Variants in PDZRN4 observed in about 807,000 individuals in gnomAD.
The protein encoded by PDZRN4 is PDZ domain-containing RING finger protein 4.
PDZRN4 carries 70 observed loss-of-function variants against 99.0 expected under a neutral mutation model. That is an observed-to-expected ratio of 0.71 (90% confidence interval 0.58 to 0.86). The LOEUF (loss-of-function observed/expected upper bound fraction) is 0.86, where lower values mean the gene tolerates loss of function less well. PDZRN4 is among the 40% of genes least tolerant of loss of function. The probability of loss-of-function intolerance (pLI) is 0.00; values close to 1 mark genes in which losing one functional copy is unlikely to be tolerated. For synonymous variants in PDZRN4, 551 were observed against 501.6 expected (o/e 1.10, Z -1.32); for missense variants, 1,474 against 1,331.2 (o/e 1.11, Z -1.67).
rs866080137 is a variant in PDZRN4 at position 41,536,199 on chromosome 12, G to A, written c.1204-16457G>A. On this transcript the variant is annotated intron_variant, in intron 5 of 9. Coordinates refer to ENST00000402685, the MANE Select transcript of PDZRN4 (RefSeq NM_001164595.2). ...AAAGCAACCAAGATGTCTTTCAGTA[G>A]GTGAATAGATAAATGCACTAGGTTT... 2.0e-5 allele frequency among the ~76,000 whole-genome samples: 3 copies of A among 152,102 alleles called. No homozygotes were observed. The East Asian group carries it at 5.8e-4, about 29-fold the overall frequency.
Position 41,398,783 on chromosome 12 carries a change from T to TA in PDZRN4, c.844-107672dup, listed in dbSNP as rs1161681236. On this transcript the variant is annotated intron_variant, in intron 3 of 9. Coordinates refer to ENST00000402685, the MANE Select transcript of PDZRN4 (RefSeq NM_001164595.2). The stretch of plus-strand genomic sequence containing the variant: ...CATACCTGCTGTATGTAAATTATAA[T>TA]ACAAGAGTTTTTATTCCAGAAATTA... Among the ~76,000 whole-genome samples the TA allele has an allele frequency of 2.0e-5, 3 of 152,182 alleles. No homozygotes were observed. In the East Asian group the frequency reaches 5.8e-4, roughly 29 times the overall value.
intron 5 of PDZRN4, 93 bp from the exon 6 acceptor site, chr12:41,552,563 G>A (rs1254523021): frequency 2.2e-6 from 2 of 901,180 alleles, no homozygotes; most frequent in East Asian, 2.6e-5. Flanking sequence ...ATTAATACTT[G>A]CCAGAGTAAC....
chr12:41,420,081 A>T (rs930135021), intron 3 of PDZRN4, among the ~76,000 whole-genome samples: 4 of 152,144 alleles, frequency 2.6e-5, no homozygotes, highest in African/African-American at 9.7e-5. Context: ...GAAAACTATA[A>T]CCTCACTTCC....
Position 41,198,211 on chromosome 12 carries a change from C to T in PDZRN4, c.843+4023C>T, listed in dbSNP as rs554527242. Among the ~76,000 whole-genome samples, 57 of 152,222 alleles carry T rather than the reference C, an allele frequency of 3.7e-4. 1 individual carries two copies. Among genetic ancestry groups the T allele is most frequent in the Non-Finnish European group, 6.2e-4 (42 of 68,010 alleles). ...GGGATTACAGGCGTGAGCCATAGTG[C>T]CCAGTCTCCTCTCTTATTTCTATGA... is the stretch of plus-strand genomic sequence containing the variant. On this transcript the variant is annotated intron_variant, in intron 3 of 9. Coordinates refer to ENST00000402685, the MANE Select transcript of PDZRN4 (RefSeq NM_001164595.2).
intron 3 of PDZRN4, among the ~76,000 whole-genome samples, chr12:41,495,475 T>C (rs1294925855): frequency 2.6e-5 from 4 of 152,098 alleles, no homozygotes; most frequent in Non-Finnish European, 5.9e-5. Flanking sequence ...TCCATGTGAA[T>C]GGCAGCATCA....
At chr12:41,222,297 T>C (rs907945969) in intron 3 of PDZRN4, among the ~76,000 whole-genome samples, 1 of 152,134 alleles carries the variant, frequency 6.6e-6, no homozygotes, top group Non-Finnish European at 1.5e-5. Flanking sequence ...TTTGTGCACA[T>C]TTTGGAATGT....
intron 3 of PDZRN4, among the ~76,000 whole-genome samples, chr12:41,222,175 T>A (rs940609829): frequency 6.6e-6 from 1 of 152,136 alleles, no homozygotes; most frequent in Non-Finnish European, 1.5e-5. Flanking sequence ...CTATCGGAAA[T>A]TGTGTTTGCA....
chr12:41,409,255 C>G (rs1043535349), intron 3 of PDZRN4, among the ~76,000 whole-genome samples: 1 of 151,920 alleles, frequency 6.6e-6, no homozygotes, highest in African/African-American at 2.4e-5. Flanking sequence ...AACATCTATG[C>G]TATTTTATTA....
chr12:41,424,573 A>G (rs1203276773), intron 3 of PDZRN4, among the ~76,000 whole-genome samples: 3 of 152,204 alleles, frequency 2.0e-5, no homozygotes, highest in African/African-American at 4.8e-5. Flanking sequence ...CATGCTAACT[A>G]TAATTTAAAT....
chr12:41,320,414 G>T (rs1011659099), intron 3 of PDZRN4, among the ~76,000 whole-genome samples: 4 of 152,186 alleles, frequency 2.6e-5, no homozygotes, highest in Non-Finnish European at 4.4e-5. Flanking sequence ...TTGCTGCTGA[G>T]AACTCAGTTA....
intron 3 of PDZRN4, among the ~76,000 whole-genome samples, chr12:41,233,809 G>A (rs1001419232): frequency 6.6e-6 from 1 of 151,850 alleles, no homozygotes; most frequent in African/African-American, 2.4e-5. Flanking sequence ...GAGCGGGGGG[G>A]AGATAGCATT....
chr12:41,322,454 T>C (rs1951685229), intron 3 of PDZRN4, among the ~76,000 whole-genome samples: 1 of 149,526 alleles, frequency 6.7e-6, no homozygotes, highest in Admixed American at 6.7e-5. Flanking sequence ...GAATGTTGTA[T>C]AAAACGAACT....
intron 1 of PDZRN4, among the ~76,000 whole-genome samples, chr12:41,189,527 G>A (rs1317849227): frequency 6.6e-6 from 1 of 152,108 alleles, no homozygotes; most frequent in African/African-American, 2.4e-5. Context: ...TTCCTCTCCC[G>A]CGGCCACCAG....
chr12:41,437,250 C>A (rs2120456203), intron 3 of PDZRN4, among the ~76,000 whole-genome samples: 1 of 152,220 alleles, frequency 6.6e-6, no homozygotes, highest in East Asian at 1.9e-4. Context: ...GTCACCCCCC[C>A]AAATTTCCTT....
chr12:41,350,631 T>G, intron 3 of PDZRN4, among the ~76,000 whole-genome samples: 1 of 152,140 alleles, frequency 6.6e-6, no homozygotes, highest in African/African-American at 2.4e-5. Flanking sequence ...GATTTTCAGC[T>G]TAATAAATTT....
intron 5 of PDZRN4, among the ~76,000 whole-genome samples, chr12:41,546,152 T>C (rs1003016972): frequency 2.6e-5 from 4 of 152,296 alleles, no homozygotes; most frequent in African/African-American, 9.6e-5. Flanking sequence ...GTCACTATGG[T>C]CGTCATGGTG....
chr12:41,506,459 A>G lies in PDZRN4; in HGVS notation c.847A>G (p.Asn283Asp). ...LEIHDKIMEV[N>D]GKDLSKATHE... ...CAATGTCCTTATATGTTTGTAGGTCAATGGGAAGGATCTTTCAAAGGCCAC... is the reference window on the plus strand; with the variant it reads ...CAATGTCCTTATATGTTTGTAGGTCGATGGGAAGGATCTTTCAAAGGCCAC... Residue 283 changes from asparagine to aspartate, a missense_variant, in exon 4 of 10, where the codon AAT becomes GAT. Coordinates refer to ENST00000402685, the MANE Select transcript of PDZRN4 (RefSeq NM_001164595.2). 2 of 1,610,032 alleles carry G rather than the reference A, an allele frequency of 1.2e-6. No individual in the cohort carries two copies. The highest frequency in any genetic ancestry group is 1.7e-6 in the Non-Finnish European group (2 of 1,177,844).
intron 3 of PDZRN4, among the ~76,000 whole-genome samples, chr12:41,210,016 C>T (rs1484618948): frequency 6.6e-6 from 1 of 151,872 alleles, no homozygotes. Flanking sequence ...CTGTTGTTTC[C>T]TGACTCTTTA....
chr12:41,192,664 T>TATTG (rs1345050181), intron 2 of PDZRN4, among the ~76,000 whole-genome samples: 1 of 152,192 alleles, frequency 6.6e-6, no homozygotes, highest in Non-Finnish European at 1.5e-5. Flanking sequence ...AAGAAAATTA[T>TATTG]ATTGAATGAA....
Sources: gnomAD v4.1 joint callset for allele counts (sites outside exome capture counted in the v4.1 genomes callset) on GRCh38, gnomAD v4.1.1 for gene constraint, MANE v1.5 for transcripts, NCBI Gene and HGNC (gene_info 2026-07-23, HGNC 2026-07-21) for gene names.